The following DGKB variants were observed in gnomAD, a reference collection of about 807,000 sequenced individuals.
DGKB encodes diacylglycerol kinase beta, also known as 90 kDa diacylglycerol kinase.
A neutral mutation model predicts 114.3 loss-of-function variants in DGKB; 67 were observed. The observed-to-expected ratio is 0.59, with a 90% CI of 0.48 to 0.72. The LOEUF is 0.72. Ranked by LOEUF, DGKB falls within the 30% of genes least tolerant of loss-of-function variation. The probability of loss-of-function intolerance (pLI) is 0.00; values close to 1 mark genes in which losing one functional copy is unlikely to be tolerated. For synonymous variants in DGKB, 398 were observed against 323.1 expected, an observed-to-expected ratio of 1.23 and a Z score of -2.49; for missense variants, 907 against 975.2, an observed-to-expected ratio of 0.93 and a Z score of 0.93.
At chr7:14,932,459 C>T (rs546311310) in intron 1 of DGKB, among the ~76,000 whole-genome samples, 1 of 152,224 alleles carries the variant, frequency 6.6e-6, no homozygotes, top group Admixed American at 6.5e-5. Flanking sequence ...TTATCTTTAC[C>T]TAAACTACTA....
chr7:14,699,129 G>GA (rs5882453), intron 7 of DGKB, among the ~76,000 whole-genome samples: 82,842 of 149,260 alleles, frequency 0.56, 23,179 homozygotes, highest in East Asian at 0.87. Context: ...CCTCTCTCCA[G>GA]AAAAAAAAAA....
chr7:14,373,419 G>A (rs879632395), intron 21 of DGKB, among the ~76,000 whole-genome samples: 1 of 152,160 alleles, frequency 6.6e-6, no homozygotes, highest in Non-Finnish European at 1.5e-5. Flanking sequence ...ATGACAGAAA[G>A]ATGCCATCAT....
intron 13 of DGKB, among the ~76,000 whole-genome samples, chr7:14,645,530 A>T (rs866055487): frequency 6.6e-6 from 1 of 152,054 alleles, no homozygotes; most frequent in Non-Finnish European, 1.5e-5. Flanking sequence ...GAAGCGAAAA[A>T]GCCACAACAC....
chr7:14,847,022 G>C (rs1453692135), intron 1 of DGKB, among the ~76,000 whole-genome samples: 2 of 152,152 alleles, frequency 1.3e-5, no homozygotes, highest in African/African-American at 2.4e-5. Flanking sequence ...CGGGCGCGGT[G>C]GCTCATGCCT....
chr7:14,259,403 C>CTATATA (rs747650934), intron 23 of DGKB, among the ~76,000 whole-genome samples: 2 of 110,392 alleles, frequency 1.8e-5, no homozygotes, highest in South Asian at 2.8e-4. Context: ...CTCTCTCTCT[C>CTATATA]TCTCTATATA....
chr7:14,228,655 C>A (rs1791216978), intron 23 of DGKB, among the ~76,000 whole-genome samples: 1 of 151,904 alleles, frequency 6.6e-6, no homozygotes, highest in Non-Finnish European at 1.5e-5. Flanking sequence ...TGGATGTGAG[C>A]AAAAGTGAAG....
At chr7:14,445,197 GTA>G (rs1330523427) in intron 21 of DGKB, among the ~76,000 whole-genome samples, 15 of 151,700 alleles carry the variant, frequency 9.9e-5, no homozygotes, top group African/African-American at 3.6e-4. Context: ...TCACCATAAT[GTA>G]TAGAGTAAAA....
intron 25 of DGKB, among the ~76,000 whole-genome samples, chr7:14,149,805 T>C (rs559753671): frequency 4.8e-4 from 73 of 152,286 alleles, no homozygotes; most frequent in African/African-American, 1.7e-3. Context: ...AATGATGAAC[T>C]AGCTTTCTAA....
At chr7:14,291,598 A>G (rs1801776974) in intron 23 of DGKB, among the ~76,000 whole-genome samples, 1 of 150,560 alleles carries the variant, frequency 6.6e-6, no homozygotes, top group African/African-American at 2.5e-5. Context: ...GATCTCTAAT[A>G]GAAGCTTGAA....
chr7:14,217,658 G>C (rs977565436), intron 23 of DGKB, among the ~76,000 whole-genome samples: 10 of 151,896 alleles, frequency 6.6e-5, no homozygotes, highest in Admixed American at 5.3e-4. Context: ...CAAGCTAAAA[G>C]TGAGATGCAA....
chr7:14,483,117 C>T (rs1207350388), intron 20 of DGKB, among the ~76,000 whole-genome samples: 2 of 150,068 alleles, frequency 1.3e-5, no homozygotes, highest in Non-Finnish European at 3.0e-5. Context: ...CTGTAGTGGG[C>T]TCAATGGTGC....
intron 20 of DGKB, among the ~76,000 whole-genome samples, chr7:14,556,588 T>A (rs1177247114): frequency 6.6e-6 from 1 of 152,290 alleles, no homozygotes; most frequent in East Asian, 1.9e-4. Flanking sequence ...GCTTAAATTT[T>A]TTTCAATTAG....
At chr7:14,628,914 T>C (rs1809150422) in intron 14 of DGKB, among the ~76,000 whole-genome samples, 1 of 151,972 alleles carries the variant, frequency 6.6e-6, no homozygotes, top group African/African-American at 2.4e-5. Flanking sequence ...AAACTTCATA[T>C]CAAAATAAAG....
At chr7:14,669,330 G>A (rs148758933) in intron 13 of DGKB, among the ~76,000 whole-genome samples, 10 of 152,196 alleles carry the variant, frequency 6.6e-5, no homozygotes, top group East Asian at 5.8e-4. Flanking sequence ...TATAAAAATC[G>A]TATGATATCT....
intron 21 of DGKB, among the ~76,000 whole-genome samples, chr7:14,352,111 C>T (rs1361790346): frequency 6.6e-6 from 1 of 152,000 alleles, no homozygotes; most frequent in Non-Finnish European, 1.5e-5. Flanking sequence ...CTTGTTAAGT[C>T]CCAGGGAGAC....
intron 21 of DGKB, among the ~76,000 whole-genome samples, chr7:14,436,163 T>G (rs1004301600): frequency 6.6e-5 from 10 of 152,122 alleles, no homozygotes; most frequent in African/African-American, 2.4e-4. Context: ...TCTCTGTAAT[T>G]AAAAATACTG....
intron 23 of DGKB, among the ~76,000 whole-genome samples, chr7:14,277,500 A>G (rs570651587): frequency 6.6e-6 from 1 of 152,280 alleles, no homozygotes; most frequent in East Asian, 1.9e-4. Flanking sequence ...GATTCCACAT[A>G]CATGTGAAAT....
intron 21 of DGKB, among the ~76,000 whole-genome samples, chr7:14,471,894 A>T (rs527714666): frequency 6.6e-6 from 1 of 152,260 alleles, no homozygotes; most frequent in Non-Finnish European, 1.5e-5. Context: ...AGCCCAAGAA[A>T]GAAAAAGCAG....
At chr7:14,747,775 G>GCGCGCGCGCACA in intron 4 of DGKB, among the ~76,000 whole-genome samples, 44 of 149,278 alleles carry the variant, frequency 2.9e-4, no homozygotes, top group African/African-American at 9.6e-4. Flanking sequence ...ACATCCACGC[G>GCGCGCGCGCACA]CACGCACACA....
Sources: gnomAD v4.1 joint callset for allele counts (sites outside exome capture counted in the v4.1 genomes callset) on GRCh38, gnomAD v4.1.1 for gene constraint, MANE v1.5 for transcripts, NCBI Gene and HGNC (gene_info 2026-07-23, HGNC 2026-07-21) for gene names.